The following CSMD3 variants were observed in gnomAD, a reference collection of about 807,000 sequenced individuals.
CSMD3 encodes CUB and sushi domain-containing protein 3.
Under a neutral mutation model 435.2 loss-of-function variants are expected in CSMD3, and 177 were observed. The ratio of observed to expected loss-of-function variants is 0.41; its 90% CI spans 0.36 to 0.46. CSMD3 has a LOEUF of 0.46. CSMD3 is among the 20% of genes least tolerant of loss of function. The pLI is 0.34. For synonymous variants in CSMD3, 1,656 were observed against 1,520.5 expected, an observed-to-expected ratio of 1.09 and a Z score of -2.07; for missense variants, 4,265 against 4,504.6, an observed-to-expected ratio of 0.95 and a Z score of 1.52.
intron 2 of CSMD3, among the ~76,000 whole-genome samples, chr8:113,298,593 A>C (rs1233579447): frequency 3.3e-5 from 5 of 152,176 alleles, no homozygotes. Context: ...TGCTTATTTT[A>C]ATATTCTCTT....
intron 16 of CSMD3, among the ~76,000 whole-genome samples, chr8:112,672,683 T>C (rs575739002): frequency 1.3e-5 from 2 of 152,144 alleles, no homozygotes; most frequent in Non-Finnish European, 2.9e-5. Context: ...TTCTTCTTTT[T>C]GTAGCAATGA....
At chr8:113,324,580 C>G (rs1396624210) in intron 1 of CSMD3, among the ~76,000 whole-genome samples, 1 of 152,148 alleles carries the variant, frequency 6.6e-6, no homozygotes, top group African/African-American at 2.4e-5. Context: ...ACCTGGCTGC[C>G]CAGCCAGAAG....
chr8:112,629,151 G>C (rs890555381), intron 22 of CSMD3, among the ~76,000 whole-genome samples: 1 of 152,014 alleles, frequency 6.6e-6, no homozygotes, highest in African/African-American at 2.4e-5. Flanking sequence ...AAAAGCAAAG[G>C]CTGCTTCAGC....
At chr8:112,799,204 A>G (rs765813244) in intron 13 of CSMD3, among the ~76,000 whole-genome samples, 1 of 151,316 alleles carries the variant, frequency 6.6e-6, no homozygotes. Context: ...TACCAAATTT[A>G]GTCACACAAA....
intron 16 of CSMD3, among the ~76,000 whole-genome samples, chr8:112,673,157 G>A (rs1485500939): frequency 6.6e-6 from 1 of 151,424 alleles, no homozygotes; most frequent in Admixed American, 6.6e-5. Flanking sequence ...GACAATGACA[G>A]TTCCATTTTG....
At chr8:112,499,875 T>G (rs1195607031) in intron 30 of CSMD3, among the ~76,000 whole-genome samples, 3 of 151,882 alleles carry the variant, frequency 2.0e-5, no homozygotes, top group Non-Finnish European at 4.4e-5. Context: ...TCCCAGCTCT[T>G]GAGGAGGGCC....
intron 63 of CSMD3, among the ~76,000 whole-genome samples, chr8:112,253,792 T>C (rs2130249243): frequency 6.6e-6 from 1 of 152,184 alleles, no homozygotes; most frequent in East Asian, 1.9e-4. Flanking sequence ...CCCACCATTT[T>C]AAACACTGAC....
chr8:113,302,737 A>G (rs553714045), intron 2 of CSMD3, among the ~76,000 whole-genome samples: 6 of 148,964 alleles, frequency 4.0e-5, no homozygotes, highest in Non-Finnish European at 7.4e-5. Flanking sequence ...CTCTCAATAA[A>G]TTAGGTATTG....
At chr8:112,353,958 A>G (rs1826363320) in intron 38 of CSMD3, among the ~76,000 whole-genome samples, 1 of 152,180 alleles carries the variant, frequency 6.6e-6, no homozygotes, top group Non-Finnish European at 1.5e-5. Flanking sequence ...GCAAAATACT[A>G]TCAAACCAAC....
chr8:112,367,893 AG>A (rs1384183974), intron 38 of CSMD3, among the ~76,000 whole-genome samples: 1 of 152,190 alleles, frequency 6.6e-6, no homozygotes, highest in African/African-American at 2.4e-5. Flanking sequence ...TCAGCTATAA[AG>A]GGTAGCATTT....
chr8:113,040,653 G>A lies in CSMD3; in HGVS notation c.918-21474C>T, dbSNP rs79323190. Among the ~76,000 whole-genome samples the A allele has an allele frequency of 6.7e-3, 1,015 of 152,236 alleles. 12 individuals are homozygous for A. Among genetic ancestry groups the A allele is most frequent in the African/African-American group, 0.023 (974 of 41,556 alleles). On this transcript the variant is annotated intron_variant, in intron 5 of 70. Coordinates refer to ENST00000297405, the MANE Select transcript of CSMD3 (RefSeq NM_198123.2). ...GATGGAGAATCCTTGATTAGGTGGA[G>A]AGCACCATCAGATGTTGAAATCTGG...
chr8:112,415,323 A>G (rs2130189209), intron 32 of CSMD3, among the ~76,000 whole-genome samples: 1 of 152,362 alleles, frequency 6.6e-6, no homozygotes, highest in South Asian at 2.1e-4. Context: ...AAAGGGTGCA[A>G]GTCCCAAGCC....
chr8:113,232,955 C>T (rs2093105305), intron 3 of CSMD3, among the ~76,000 whole-genome samples: 1 of 151,766 alleles, frequency 6.6e-6, no homozygotes. Flanking sequence ...TTACTGTCTT[C>T]CCTAGTAATA....
At chr8:113,034,134 A>G (rs2087240490) in intron 5 of CSMD3, among the ~76,000 whole-genome samples, 1 of 151,582 alleles carries the variant, frequency 6.6e-6, no homozygotes, top group Non-Finnish European at 1.5e-5. Context: ...GTATCTTCTG[A>G]GGAGTGTGAG....
intron 5 of CSMD3, among the ~76,000 whole-genome samples, chr8:113,035,017 T>G (rs147339801): frequency 6.6e-6 from 1 of 152,078 alleles, no homozygotes; most frequent in African/African-American, 2.4e-5. Flanking sequence ...AGAAAAACTT[T>G]TATAGAGTAT....
chr8:113,425,595 C>T (rs2094631682), intron 1 of CSMD3, among the ~76,000 whole-genome samples: 1 of 151,236 alleles, frequency 6.6e-6, no homozygotes, highest in South Asian at 2.1e-4. Context: ...AATGAAGACC[C>T]TCAAGCTAAC....
chr8:113,008,677 A>T (rs2086146434), intron 6 of CSMD3, among the ~76,000 whole-genome samples: 1 of 151,672 alleles, frequency 6.6e-6, no homozygotes, highest in Non-Finnish European at 1.5e-5. Context: ...ATTGTAGTGA[A>T]GATTTGGGAA....
chr8:112,266,227 G>T (rs921103374), intron 59 of CSMD3, among the ~76,000 whole-genome samples: 14 of 152,130 alleles, frequency 9.2e-5, no homozygotes, highest in Non-Finnish European at 1.8e-4. Flanking sequence ...CCTCACGTTT[G>T]CATCCAACCC....
intron 4 of CSMD3, among the ~76,000 whole-genome samples, chr8:113,133,893 T>C (rs1588132588): frequency 6.6e-6 from 1 of 152,088 alleles, no homozygotes; most frequent in Non-Finnish European, 1.5e-5. Flanking sequence ...CCAGGGGTTA[T>C]GCAGAGGGGG....
Sources: gnomAD v4.1 joint callset for allele counts (sites outside exome capture counted in the v4.1 genomes callset) on GRCh38, gnomAD v4.1.1 for gene constraint, MANE v1.5 for transcripts, NCBI Gene and HGNC (gene_info 2026-07-23, HGNC 2026-07-21) for gene names.